The following FAM107B variants were observed in gnomAD, a reference collection of about 807,000 sequenced individuals.
FAM107B encodes protein FAM107B.
A neutral mutation model predicts 31.5 loss-of-function variants in FAM107B; 21 were observed. The observed-to-expected ratio is 0.67, with a 90% confidence interval of 0.47 to 0.96. The LOEUF is 0.96. Ranked by LOEUF, FAM107B falls within the 40% of genes least tolerant of loss-of-function variation. The pLI is 0.00. For missense variants in FAM107B, 452 were observed against 377.1 expected, an observed-to-expected ratio of 1.20 and a Z score of -1.64; for synonymous variants, 157 against 141.5, an observed-to-expected ratio of 1.11 and a Z score of -0.78.
At position 14,774,629 on chromosome 10, in the gene FAM107B, A is replaced by G. The variant is rs1472976622; in HGVS notation, c.35T>C (p.Leu12Pro). ...STWKARLTKR[L>P]KSPSRSMHPF... Reference sequence around the variant, plus strand: ...ATGCATGCTTCTAGAGGGAGACTTCAGTCTTTTGGTGAGTCTTGCTTTCCA... The same window carrying G: ...ATGCATGCTTCTAGAGGGAGACTTCGGTCTTTTGGTGAGTCTTGCTTTCCA... Residue 12 changes from leucine (L) to proline (P), a missense_variant, in exon 1 of 5, where the codon CTG becomes CCG. Leu to Pro is a moderately conservative substitution (Grantham distance 98). Coordinates refer to ENST00000181796, the MANE Select transcript of FAM107B (RefSeq NM_031453.4). 6 of 1,614,006 alleles carry G rather than the reference A, an allele frequency of 3.7e-6. No individual in the cohort carries two copies. The African/African-American group carries it at 8.0e-5, about 22-fold the overall frequency.
intron 2 of FAM107B, among the ~76,000 whole-genome samples, chr10:14,662,861 T>C (rs2131466850): frequency 6.6e-6 from 1 of 152,218 alleles, no homozygotes; most frequent in South Asian, 2.1e-4. Context: ...TGTTTCTGGG[T>C]GTGTTGGTGA....
intron 2 of FAM107B, among the ~76,000 whole-genome samples, chr10:14,656,507 C>A (rs1386733958): frequency 1.3e-5 from 2 of 152,192 alleles, no homozygotes; most frequent in African/African-American, 4.8e-5. Flanking sequence ...TCCAAGGAGA[C>A]AAGTGACTGG....
intron 1 of FAM107B, among the ~76,000 whole-genome samples, chr10:14,726,801 G>A (rs1381139956): frequency 2.0e-5 from 3 of 152,134 alleles, no homozygotes; most frequent in Non-Finnish European, 4.4e-5. Flanking sequence ...CCAGTTTCAT[G>A]GAAGACAATT....
intron 2 of FAM107B, among the ~76,000 whole-genome samples, chr10:14,613,910 C>T (rs1412552520): frequency 6.6e-6 from 1 of 152,148 alleles, no homozygotes; most frequent in Non-Finnish European, 1.5e-5. Flanking sequence ...GAGGGCAGAT[C>T]ACTTGAGGTC....
At chr10:14,524,492 T>C (rs573334234) in intron 3 of FAM107B, among the ~76,000 whole-genome samples, 1 of 152,346 alleles carries the variant, frequency 6.6e-6, no homozygotes, top group South Asian at 2.1e-4. Context: ...TGTGATTTAA[T>C]TATGGTTTAT....
intron 2 of FAM107B, among the ~76,000 whole-genome samples, chr10:14,602,298 T>C (rs1852425147): frequency 1.3e-5 from 2 of 152,206 alleles, no homozygotes; most frequent in Non-Finnish European, 2.9e-5. Flanking sequence ...TGTAGATTCT[T>C]CTAACTTCAA....
At chr10:14,691,440 G>A (rs189636976) in intron 1 of FAM107B, among the ~76,000 whole-genome samples, 40 of 152,322 alleles carry the variant, frequency 2.6e-4, no homozygotes, top group Admixed American at 4.6e-4. Flanking sequence ...GAGTGGTAAG[G>A]CTGCTGCTTC....
chr10:14,743,765 T>C (rs1056301011), intron 1 of FAM107B, among the ~76,000 whole-genome samples: 32 of 152,212 alleles, frequency 2.1e-4, no homozygotes, highest in Admixed American at 9.2e-4. Context: ...AGCCTTGTAG[T>C]ATAGTTTGAA....
At chr10:14,643,251 G>T (rs1853673370) in intron 2 of FAM107B, among the ~76,000 whole-genome samples, 2 of 151,910 alleles carry the variant, frequency 1.3e-5, no homozygotes, top group African/African-American at 4.8e-5. Context: ...TCAAAAGCTG[G>T]CAGGCTTAAA....
intron 1 of FAM107B, among the ~76,000 whole-genome samples, chr10:14,747,001 T>A (rs1439226965): frequency 6.6e-6 from 1 of 152,198 alleles, no homozygotes; most frequent in African/African-American, 2.4e-5. Context: ...TTTTCATTCT[T>A]TTTTCTCTGA....
chr10:14,687,407 G>A (rs1855015970), intron 1 of FAM107B, among the ~76,000 whole-genome samples: 1 of 152,184 alleles, frequency 6.6e-6, no homozygotes, highest in South Asian at 2.1e-4. Context: ...TTGTTATTTG[G>A]AAAGAGATAA....
intron 2 of FAM107B, among the ~76,000 whole-genome samples, chr10:14,613,117 G>A (rs532891538): frequency 5.9e-5 from 9 of 152,192 alleles, no homozygotes; most frequent in East Asian, 3.9e-4. Context: ...GATGACAAGC[G>A]TGCACCGCCA....
chr10:14,589,258 T>C (rs17155533), intron 2 of FAM107B, among the ~76,000 whole-genome samples: 20,033 of 151,662 alleles, frequency 0.13, 1,620 homozygotes, highest in South Asian at 0.22. Context: ...AAGCTGTAGG[T>C]TGGCATAGGA....
intron 1 of FAM107B, among the ~76,000 whole-genome samples, chr10:14,704,176 A>G (rs920282788): frequency 6.6e-6 from 1 of 152,070 alleles, no homozygotes; most frequent in African/African-American, 2.4e-5. Flanking sequence ...GCCCTTAGAG[A>G]TTTTAAGGCT....
At chr10:14,661,728 C>T (rs1441449019) in intron 2 of FAM107B, 1 of 152,212 alleles carries the variant, frequency 6.6e-6, no homozygotes, top group Non-Finnish European at 1.5e-5. Context: ...AGAACTCTGA[C>T]TAGTTCAGGA....
chr10:14,531,811 G>GA (rs1302228304), intron 2 of FAM107B, among the ~76,000 whole-genome samples: 2 of 152,200 alleles, frequency 1.3e-5, no homozygotes, highest in Non-Finnish European at 2.9e-5. Flanking sequence ...CTCAGCCTGG[G>GA]AAACAGAGAG....
At chr10:14,769,728 A>G (rs1304841549) in intron 1 of FAM107B, among the ~76,000 whole-genome samples, 1 of 152,054 alleles carries the variant, frequency 6.6e-6, no homozygotes, top group Non-Finnish European at 1.5e-5. Flanking sequence ...TGATTTCCCA[A>G]ACTACAATTA....
intron 2 of FAM107B, among the ~76,000 whole-genome samples, chr10:14,577,654 C>T (rs1248007371): frequency 1.6e-4 from 25 of 152,172 alleles, no homozygotes; most frequent in Admixed American, 1.4e-3. Context: ...TGTTCTCTAA[C>T]GCTAATCTCA....
At chr10:14,599,779 T>A (rs1852313328) in intron 2 of FAM107B, among the ~76,000 whole-genome samples, 1 of 151,930 alleles carries the variant, frequency 6.6e-6, no homozygotes, top group African/African-American at 2.4e-5. Context: ...AACTCCCTCT[T>A]TGTGGGGAAG....
Sources: allele counts gnomAD v4.1 joint callset (sites outside exome capture counted in the v4.1 genomes callset), GRCh38; gene constraint gnomAD v4.1.1; transcripts MANE v1.5; gene names NCBI Gene and HGNC (gene_info 2026-07-23, HGNC 2026-07-21).